MYLK: variants seen among roughly 807,000 people sequenced by gnomAD.
MYLK encodes the protein myosin light chain kinase, also known as myosin light chain kinase, smooth muscle.
Under a neutral mutation model 203.4 loss-of-function variants are expected in MYLK, and 106 were observed. The observed-to-expected ratio is 0.52, with a 90% CI of 0.45 to 0.61. MYLK has a LOEUF of 0.61. Ranked by LOEUF, MYLK falls within the 20% of genes least tolerant of loss-of-function variation. The pLI is 0.00. For missense variants in MYLK, 2,072 were observed against 2,442.3 expected (o/e 0.85, Z 3.20); for synonymous variants, 867 against 959.5 (o/e 0.90, Z 1.78).
In MYLK at chr3:123,610,998, CTG is replaced by C. The variant is rs966360962; in HGVS notation, c.*3105_*3106del. ...TGAAAATGAATGGAAGAAAGTATAT[CTG>C]TTATTTTTCTCAGTGCAGCATATAA... On this transcript the variant is annotated 3_prime_UTR_variant, in exon 34 of 34. Coordinates refer to ENST00000360304, the MANE Select transcript of MYLK (RefSeq NM_053025.4). 2.0e-5 allele frequency: 3 copies of C among 152,248 alleles called. No individual in the cohort carries two copies. Among genetic ancestry groups the C allele is most frequent in the Middle Eastern group, 3.4e-3 (1 of 294 alleles). The allele number at this position is 152,248 out of a possible 1,614,324, so 9.4% of individuals were successfully genotyped here. A position where few individuals can be genotyped will look rare whatever the true frequency, so the allele number is the denominator to read the frequency against.
intron 8 of MYLK, chr3:123,735,682 AG>A (rs1188325603): frequency 1.3e-5 from 6 of 459,928 alleles, no homozygotes; most frequent in Non-Finnish European, 2.0e-5. Context: ...ACTAAACAGA[AG>A]GAAAAAAAAC....
chr3:123,758,522 CA>C (rs2063431989), intron 4 of MYLK, among the ~76,000 whole-genome samples: 1 of 152,152 alleles, frequency 6.6e-6, no homozygotes, highest in Non-Finnish European at 1.5e-5. Flanking sequence ...TCTCTGTGAT[CA>C]GCCACTCTCA....
chr3:123,794,910 G>T lies in MYLK; in HGVS notation c.-3-1066C>A, dbSNP rs548380086. Among the ~76,000 whole-genome samples the T allele has an allele frequency of 1.0e-3, 156 of 152,266 alleles. 1 individual carries two copies. The Middle Eastern group carries it at 0.02, about 20-fold the overall frequency. On this transcript the variant is annotated intron_variant, in intron 3 of 33. Coordinates refer to ENST00000360304, the MANE Select transcript of MYLK (RefSeq NM_053025.4). ...TTAATCCTCAGAACAACCCCATGAA[G>T]TATGTATAGTCATCATTTCGCAAAT...
chr3:123,841,571 T>A (rs927458830), intron 2 of MYLK, among the ~76,000 whole-genome samples: 1 of 152,174 alleles, frequency 6.6e-6, no homozygotes, highest in Non-Finnish European at 1.5e-5. Flanking sequence ...TTTTTTTCCG[T>A]CTTCAGACAT....
rs774918942 is a variant in MYLK, at chr3:123,752,348, A to G, written c.356T>C (p.Val119Ala). ...GGACTCACCTTCTACTGTCAACTCCACTGTCACCTGGCGAGCACCACTGCC... is the reference window on the plus strand; with the variant it reads ...GGACTCACCTTCTACTGTCAACTCCGCTGTCACCTGGCGAGCACCACTGCC... The part of the protein sequence containing the change: ...TNGSGARQVT[V>A]ELTVEGSFAK... Residue 119 changes from valine to alanine, a missense_variant, in exon 5 of 34, where the codon GTG becomes GCG. Around this residue, in one of 3 missense-constraint regions of MYLK, gnomAD observed 683 missense variants for 643.8 expected, o/e 1.06. Transcript: ENST00000360304. 3 of 1,614,034 alleles carry G rather than the reference A, an allele frequency of 1.9e-6. No homozygotes were observed. Among genetic ancestry groups the G allele is most frequent in the Non-Finnish European group, 2.5e-6 (3 of 1,180,010 alleles).
chr3:123,662,325 C>T (rs1390753410), intron 23 of MYLK, among the ~76,000 whole-genome samples: 1 of 152,188 alleles, frequency 6.6e-6, no homozygotes, highest in Admixed American at 6.5e-5. Context: ...GCCTCAGTTT[C>T]TCCTGCATAA....
At chr3:123,744,243 T>G (rs2062948550) in intron 5 of MYLK, among the ~76,000 whole-genome samples, 1 of 152,204 alleles carries the variant, frequency 6.6e-6, no homozygotes, top group Non-Finnish European at 1.5e-5. Context: ...AATATGCAAC[T>G]GTTCAAGCAT....
Position 123,704,169 on chromosome 3 carries a change from G to C in MYLK, c.2391-2660C>G, listed in dbSNP as rs115351183. 1.5e-3 allele frequency among the ~76,000 whole-genome samples: 226 copies of C among 152,346 alleles called. 2 individuals carry two copies. The highest frequency in any genetic ancestry group is 5.3e-3 in the African/African-American group (219 of 41,574). On this transcript the variant is annotated intron_variant, in intron 16 of 33. Transcript: ENST00000360304. The stretch of plus-strand genomic sequence containing the variant: ...AAAGGTGGAGGACTTGGGATACAAA[G>C]GCTGACGCATTAAGTGGATCACCTG...
At chr3:123,733,164 G>C (rs1473444596) in intron 10 of MYLK, 62 bp from the exon 11 acceptor site, 5 of 1,555,910 alleles carry the variant, frequency 3.2e-6, no homozygotes, top group Non-Finnish European at 3.5e-6. Context: ...GTGATTGTGA[G>C]GTAGGTGGGG....
At chr3:123,702,814 C>T (rs904091735) in intron 16 of MYLK, among the ~76,000 whole-genome samples, 1 of 152,156 alleles carries the variant, frequency 6.6e-6, no homozygotes, top group African/African-American at 2.4e-5. Context: ...CATAGCAAGA[C>T]CTTACCTCTA....
intron 4 of MYLK, among the ~76,000 whole-genome samples, chr3:123,752,988 G>C (rs2063249816): frequency 6.6e-6 from 1 of 152,154 alleles, no homozygotes; most frequent in African/African-American, 2.4e-5. Flanking sequence ...GTCCGGGCTG[G>C]GGCCTGAGAT....
chr3:123,614,109 T>C lies in MYLK; in HGVS notation c.5741A>G (p.Glu1914Gly), dbSNP rs1421911091. ...EGEGEGEEEE[E>G] ...CTGCTTTTCTCTGGCTTTGTTTCAC[T>C]CTTCTTCCTCTTCCCCTTCCCCTTC... Residue 1914 changes from glutamate (E) to glycine (G), a missense_variant, in exon 34 of 34, where the codon GAG becomes GGG. This residue lies in a region of MYLK where 524 missense variants were observed against 782.4 expected (regional missense o/e 0.67). Transcript: ENST00000360304. 1 of 1,613,360 alleles carries C rather than the reference T, an allele frequency of 6.2e-7. No individual in the cohort carries two copies. The highest frequency in any genetic ancestry group is 8.5e-7 in the Non-Finnish European group (1 of 1,179,810).
chr3:123,747,122 C>A (rs185777902), intron 5 of MYLK, among the ~76,000 whole-genome samples: 18 of 152,254 alleles, frequency 1.2e-4, no homozygotes, highest in African/African-American at 4.3e-4. Context: ...CCCTGAAAAA[C>A]GGCAGTGGCA....
At chr3:123,679,931 G>A (rs144835464) in intron 20 of MYLK, among the ~76,000 whole-genome samples, 1 of 152,276 alleles carries the variant, frequency 6.6e-6, no homozygotes, top group African/African-American at 2.4e-5. Flanking sequence ...GACCCACAGT[G>A]TGGGCACCAG....
intron 2 of MYLK, among the ~76,000 whole-genome samples, chr3:123,847,325 C>T (rs4461370): frequency 0.84 from 128,016 of 152,046 alleles, 54,109 homozygotes; most frequent in East Asian, 0.96. Flanking sequence ...ATGACTGTAT[C>T]TTCCACTTAA....
chr3:123,883,747 C>T (rs1339570777), intron 1 of MYLK, among the ~76,000 whole-genome samples: 1 of 152,182 alleles, frequency 6.6e-6, no homozygotes, highest in Non-Finnish European at 1.5e-5. Flanking sequence ...AAGCCCGCGC[C>T]CCAGCTTCGC....
chr3:123,681,834 G>C (rs1358591479), intron 20 of MYLK: 1 of 301,942 alleles, frequency 3.3e-6, no homozygotes, highest in Non-Finnish European at 6.5e-6. Context: ...AACCAGGAGT[G>C]ATGAGATCAG....
At chr3:123,820,642 C>CCTTT (rs1330834135) in intron 3 of MYLK, among the ~76,000 whole-genome samples, 2 of 79,778 alleles carry the variant, frequency 2.5e-5, no homozygotes, top group African/African-American at 7.1e-5. Flanking sequence ...TTCCTTCCTT[C>CCTTT]CCTCCTTCCT....
intron 27 of MYLK, among the ~76,000 whole-genome samples, chr3:123,643,367 G>GC (rs146122716): frequency 0.019 from 2,853 of 152,310 alleles, 78 homozygotes; most frequent in African/African-American, 0.062. Context: ...ATGCCCTTGG[G>GC]AATGTCTGAG....
Sources: allele counts gnomAD v4.1 joint callset (sites outside exome capture counted in the v4.1 genomes callset), GRCh38; gene constraint gnomAD v4.1.1; regional missense constraint gnomAD v4.1.1; transcripts MANE v1.5; gene names NCBI Gene and HGNC (gene_info 2026-07-23, HGNC 2026-07-21).